TSC2: variants seen among roughly 807,000 people sequenced by gnomAD.
The protein encoded by TSC2 is TSC complex subunit 2.
Under a neutral mutation model 202.2 loss-of-function variants are expected in TSC2, and 29 were observed. The ratio of observed to expected loss-of-function variants is 0.14; its 90% CI spans 0.11 to 0.20. The LOEUF is 0.20. Ranked by LOEUF, TSC2 falls within the 10% of genes least tolerant of loss-of-function variation. The pLI, the probability that TSC2 is intolerant of heterozygous loss-of-function variation, is 1.00. For missense variants in TSC2, 2,429 were observed against 2,420.0 expected (o/e 1.00, Z -0.08); for synonymous variants, 1,349 against 1,044.0 (o/e 1.29, Z -5.63).
At position 2,083,785 on chromosome 16, in the gene TSC2, G is replaced by A. The variant is rs754680848; in HGVS notation, c.3974G>A (p.Gly1325Asp). The change falls in exon 33 of 42, where the codon GGC becomes GAC. Residue 1325 changes from glycine (G) to aspartate (D), a missense_variant. Coordinates refer to ENST00000219476, the MANE Select transcript of TSC2 (RefSeq NM_000548.5). ...PGLEDVEAAL[G>D]MDRRTDAYSR... The stretch of plus-strand genomic sequence containing the variant: ...TTGGAGGACGTTGAGGCAGCGCTAG[G>A]CATGGACAGGCGCACGGATGCCTAC... 5 of 1,611,554 alleles carry A rather than the reference G, an allele frequency of 3.1e-6. No individual in the cohort carries two copies. In the South Asian group the frequency reaches 5.5e-5, roughly 18 times the overall value.
Position 2,079,376 on chromosome 16 carries a change from C to A in TSC2, c.3232C>A (p.Arg1078=), listed in dbSNP as rs78956195. The A allele has an allele frequency of 1.9e-6, 3 of 1,612,776 alleles. No individual in the cohort carries two copies. The highest frequency in any genetic ancestry group is 1.3e-5 in the African/African-American group (1 of 74,930). Residue 1078 remains arginine (R), a synonymous_variant, in exon 28 of 42, where the codon CGG becomes AGG. Coordinates refer to ENST00000219476, the MANE Select transcript of TSC2 (RefSeq NM_000548.5). The surrounding 1 kb of genome is among the most constrained non-coding windows in gnomAD (Gnocchi z 4.6). ...TVTTSVGTGT[R]SLLGLDSGEL... is the part of the protein sequence containing the mutation. ...GACGACAAGCGTGGGAACCGGGACC[C>A]GGTCGTTACTAGGCCTGGACTCGGG... is the stretch of plus-strand genomic sequence containing the variant.
At chr16:2,061,302 G>C (rs2086609396) in intron 11 of TSC2, 1 of 288,132 alleles carries the variant, frequency 3.5e-6, no homozygotes, top group Non-Finnish European at 6.8e-6. Flanking sequence ...CTGGAGCCTG[G>C]GGCGGGTGAT....
intron 15 of TSC2, 45 bp downstream of exon 15, chr16:2,064,472 T>C (rs2151192935): frequency 6.2e-7 from 1 of 1,611,164 alleles, no homozygotes; most frequent in Non-Finnish European, 8.5e-7. Context: ...GTGCCAGAGC[T>C]CCGTGGGCAG....
At chr16:2,078,131 G>T in intron 26 of TSC2, 1 of 302,518 alleles carries the variant, frequency 3.3e-6, no homozygotes, top group Non-Finnish European at 6.4e-6. Context: ...AAGGGAACAA[G>T]GGGCATTTGT....
chr16:2,076,044 G>A lies in TSC2; in HGVS notation c.2640-24G>A, dbSNP rs767624794. The A allele has an allele frequency of 6.2e-6, 10 of 1,613,762 alleles. No homozygotes were observed. In the Admixed American group the frequency reaches 1.2e-4, roughly 19 times the overall value. On this transcript the variant is annotated intron_variant, in intron 23 of 41. Coordinates refer to ENST00000219476, the MANE Select transcript of TSC2 (RefSeq NM_000548.5). ...GATGTTTCCCTGCTGCCAGGATGGA[G>A]TGCCAGCCCCCTTCTCATCTCAGGT... is the stretch of plus-strand genomic sequence containing the variant.
At chr16:2,086,470 C>G (rs1290990863) in intron 37 of TSC2, 91 bp downstream of exon 37, 2 of 1,521,424 alleles carry the variant, frequency 1.3e-6, no homozygotes, top group Non-Finnish European at 1.8e-6. Context: ...GGGGCATGGC[C>G]CTGGCACCCC....
At chr16:2,074,895 TTC>T (rs2089055756) in intron 22 of TSC2, 1 of 222,208 alleles carries the variant, frequency 4.5e-6, no homozygotes, top group Admixed American at 5.1e-5. Context: ...CTGTCGGTCT[TTC>T]TGTTTTGTTG....
rs955922950 is a variant in TSC2 at position 2,077,005 on chromosome 16, G to A, written c.2837+420G>A. On this transcript the variant is annotated intron_variant, in intron 25 of 41. Transcript: ENST00000219476. ...TTCTTGTTTGCATTTCATTTGAACGGCTTTCTCCTCCTGTCCCCCACCTTC... is the reference window on the plus strand; with the variant it reads ...TTCTTGTTTGCATTTCATTTGAACGACTTTCTCCTCCTGTCCCCCACCTTC... Among the ~76,000 whole-genome samples, 7 of 152,228 alleles carry A rather than the reference G, an allele frequency of 4.6e-5. No homozygotes were observed. The South Asian group carries it at 8.3e-4, about 18-fold the overall frequency.
Position 2,072,717 on chromosome 16 carries a change from G to C in TSC2, c.2221-132G>C. On this transcript the variant is annotated intron_variant, in intron 20 of 41. Coordinates refer to ENST00000219476, the MANE Select transcript of TSC2 (RefSeq NM_000548.5). ...TCCGAAAGGGAGGCCCTTCCTGGGA[G>C]GGAGGCAAGAAGGCTCCCCAGCCCC... 24 of 1,455,314 alleles carry C rather than the reference G, an allele frequency of 1.6e-5. 1 individual carries two copies. The South Asian group carries it at 2.8e-4, about 17-fold the overall frequency. 90.2% of individuals were successfully genotyped at this position (1,455,314 alleles called of 1,614,324 possible).
chr16:2,052,101 C>T (rs918731910), intron 3 of TSC2, among the ~76,000 whole-genome samples: 4 of 152,026 alleles, frequency 2.6e-5, no homozygotes, highest in African/African-American at 7.3e-5. Flanking sequence ...GCATCCTGTT[C>T]TGAAAGTTGT....
intron 22 of TSC2, chr16:2,075,222 CAAA>C (rs56038642): frequency 1.9e-5 from 2 of 107,850 alleles, no homozygotes; most frequent in Admixed American, 1.9e-4. Context: ...GACACCGTCT[CAAA>C]AAAAAAAAAG....
rs1555503254 is a variant in TSC2, at chr16:2,065,594, G to T, written c.1675G>T (p.Asp559Tyr). The change falls in exon 16 of 42, where the codon GAT (aspartate) becomes TAT (tyrosine). Residue 559 changes from aspartate (D) to tyrosine (Y), a missense_variant. Physicochemically the swap from Asp to Tyr is radical, Grantham distance 160. Transcript: ENST00000219476. ...DVAAYSASLE[D>Y]VKTAVLGLLV... ...GGCCGCATACTCGGCCTCCTTGGAG[G>T]ATGTGAAGACAGCCGTCCTGGGGCT... The T allele has an allele frequency of 6.2e-7, 1 of 1,613,866 alleles. No individual in the cohort carries two copies. The highest frequency in any genetic ancestry group is 8.5e-7 in the Non-Finnish European group (1 of 1,180,012).
At chr16:2,057,783 A>C (rs2086064446) in intron 9 of TSC2, among the ~76,000 whole-genome samples, 1 of 146,314 alleles carries the variant, frequency 6.8e-6, no homozygotes, top group African/African-American at 2.6e-5. Flanking sequence ...TCAGCCCTGC[A>C]TCTCTCCCAG....
At chr16:2,087,519 G>C (rs1567126876) in intron 38 of TSC2, among the ~76,000 whole-genome samples, 1 of 152,040 alleles carries the variant, frequency 6.6e-6, no homozygotes, top group Non-Finnish European at 1.5e-5. Flanking sequence ...GCTGAGGAGG[G>C]TGTGGTGGTG....
chr16:2,085,139 C>T, intron 35 of TSC2, 91 bp from the exon 36 acceptor site: 1 of 1,602,940 alleles, frequency 6.2e-7, no homozygotes. Flanking sequence ...CTGGCCTAAG[C>T]TCCCTGTGGC....
rs890966376 is a variant in TSC2, at chr16:2,048,026, C to A, written c.-69C>A. ...CGGGGCCAGGGGGGTGCGCCTTTCT[C>A]CGCGTCGGGGCGGCCCGGAGCGCGG... On this transcript the variant is annotated 5_prime_UTR_variant, in exon 1 of 42. Coordinates refer to ENST00000219476, the MANE Select transcript of TSC2 (RefSeq NM_000548.5). The A allele has an allele frequency of 1.5e-5, 22 of 1,448,340 alleles. No individual in the cohort carries two copies. The highest frequency in any genetic ancestry group is 6.3e-6 in the Non-Finnish European group (7 of 1,106,232). The allele number at this position is 1,448,340 out of a possible 1,614,324, so 89.7% of individuals were successfully genotyped here.
At chr16:2,058,674 A>G in intron 9 of TSC2, 73 bp from the exon 10 acceptor site, 1 of 1,544,318 alleles carries the variant, frequency 6.5e-7, no homozygotes, top group Non-Finnish European at 8.7e-7. Flanking sequence ...GAGCCTCGGC[A>G]ACCTCACACA....
chr16:2,082,738 C>G, intron 32 of TSC2: 1 of 607,350 alleles, frequency 1.6e-6, no homozygotes, highest in East Asian at 2.8e-5. Flanking sequence ...GCGAGCACTC[C>G]CGGCCCAGCT....
intron 22 of TSC2, chr16:2,075,386 G>A (rs1488199109): frequency 9.5e-6 from 2 of 209,544 alleles, no homozygotes; most frequent in South Asian, 1.4e-4. Flanking sequence ...AACTAGCCAG[G>A]CGTGGTGGCG....
Sources: allele counts gnomAD v4.1 joint callset (sites outside exome capture counted in the v4.1 genomes callset), GRCh38; gene constraint gnomAD v4.1.1; non-coding constraint Gnocchi (gnomAD v3.1); transcripts MANE v1.5; gene names NCBI Gene and HGNC (gene_info 2026-07-23, HGNC 2026-07-21).